AMY2B: variants seen among roughly 807,000 people sequenced by gnomAD.
AMY2B encodes amylase alpha 2B, also known as alpha-amylase 2B.
Under a neutral mutation model 59.3 loss-of-function variants are expected in AMY2B, and 63 were observed. The ratio of observed to expected loss-of-function variants is 1.06; its 90% CI spans 0.87 to 1.31. The LOEUF (loss-of-function observed/expected upper bound fraction) is 1.31, where lower values mean the gene tolerates loss of function less well. Among genes scored for constraint, AMY2B ranks in the 50% most tolerant of loss-of-function variants. AMY2B has a pLI of 0.00. For missense variants in AMY2B, 635 were observed against 626.7 expected, an observed-to-expected ratio of 1.01 and a Z score of -0.14; for synonymous variants, 180 against 198.1, an observed-to-expected ratio of 0.91 and a Z score of 0.77.
At chr1:103,568,811 AT>A (rs746651479), upstream of AMY2B, 10 of 151,430 alleles carry the variant, frequency 6.6e-5, no homozygotes, top group Non-Finnish European at 1.3e-4. Flanking sequence ...GAATATATAT[AT>A]GTTTGTGTAT....
chr1:103,566,347 G>A (rs1205590196), intron 2 of AMY2B, among the ~76,000 whole-genome samples: 1 of 151,998 alleles, frequency 6.6e-6, no homozygotes, highest in Non-Finnish European at 1.5e-5. Flanking sequence ...GAACAGCTCT[G>A]TCTAATACAA....
intron 5 of AMY2B, 55 bp downstream of exon 5, chr1:103,574,448 A>G: frequency 6.2e-7 from 1 of 1,606,716 alleles, no homozygotes; most frequent in Non-Finnish European, 8.5e-7. Context: ...TAGTCATAGT[A>G]CCCCAGTGTG....
At chr1:103,557,751 T>G (rs1486583298) in intron 1 of AMY2B, among the ~76,000 whole-genome samples, 1 of 152,112 alleles carries the variant, frequency 6.6e-6, no homozygotes, top group African/African-American at 2.4e-5. Context: ...ATCCAAAATT[T>G]AAGAAGATGT....
intron 5 of AMY2B, 82 bp from the exon 6 acceptor site, chr1:103,575,141 T>C: frequency 3.1e-6 from 5 of 1,593,148 alleles, no homozygotes; most frequent in African/African-American, 1.3e-5. Context: ...TGCCATGCCA[T>C]GCAGAAAGAG....
At chr1:103,575,060 GTA>G (rs59615316) in intron 5 of AMY2B, among the ~76,000 whole-genome samples, 161 bp from the exon 6 acceptor site, 89,375 of 143,450 alleles carry the variant, frequency 0.62, 26,995 homozygotes, top group Middle Eastern at 0.79. Flanking sequence ...GTGTGTGTAT[GTA>G]TATATATATA....
Sources: gnomAD v4.1 joint callset for allele counts (sites outside exome capture counted in the v4.1 genomes callset) on GRCh38, gnomAD v4.1.1 for gene constraint, MANE v1.5 for transcripts, NCBI Gene and HGNC (gene_info 2026-07-23, HGNC 2026-07-21) for gene names.